BNC2: variants seen among roughly 807,000 people sequenced by gnomAD.
The protein encoded by BNC2 is basonuclin zinc finger protein 2, also known as zinc finger protein basonuclin-2.
Under a neutral mutation model 76.3 loss-of-function variants are expected in BNC2, and 20 were observed. The observed-to-expected ratio is 0.26, with a 90% CI of 0.18 to 0.38. The LOEUF (loss-of-function observed/expected upper bound fraction) is 0.38, where lower values mean the gene tolerates loss of function less well. BNC2 is among the 10% of genes least tolerant of loss of function. The pLI is 1.00. For synonymous variants in BNC2, 582 were observed against 514.8 expected, an observed-to-expected ratio of 1.13 and a Z score of -1.77; for missense variants, 1,382 against 1,399.8, an observed-to-expected ratio of 0.99 and a Z score of 0.20.
At chr9:16,619,011 C>A (rs1890074) in intron 3 of BNC2, among the ~76,000 whole-genome samples, 1 of 152,002 alleles carries the variant, frequency 6.6e-6, no homozygotes, top group Non-Finnish European at 1.5e-5. Context: ...CAATTCAAAG[C>A]ATTCTTTATT....
At chr9:16,509,591 TA>T (rs1319913240) in intron 5 of BNC2, among the ~76,000 whole-genome samples, 1 of 152,192 alleles carries the variant, frequency 6.6e-6, no homozygotes, top group Admixed American at 6.6e-5. Context: ...AGGAACAGTT[TA>T]AACTGAGAGT....
At chr9:16,528,864 G>A (rs1171255327) in intron 5 of BNC2, among the ~76,000 whole-genome samples, 1 of 152,144 alleles carries the variant, frequency 6.6e-6, no homozygotes, top group Non-Finnish European at 1.5e-5. Context: ...TAGTTTCCTA[G>A]GGCTGCCACA....
At chr9:16,497,591 A>T (rs574737633) in intron 5 of BNC2, among the ~76,000 whole-genome samples, 1 of 152,306 alleles carries the variant, frequency 6.6e-6, no homozygotes, top group African/African-American at 2.4e-5. Flanking sequence ...GGAGATGGGT[A>T]TAAATAAACA....
chr9:16,541,496 T>C (rs373770487), intron 5 of BNC2, among the ~76,000 whole-genome samples: 2 of 152,212 alleles, frequency 1.3e-5, no homozygotes, highest in African/African-American at 4.8e-5. Flanking sequence ...GGTGATGGAA[T>C]GATGGCTGAC....
intron 3 of BNC2, among the ~76,000 whole-genome samples, chr9:16,702,639 C>T (rs1385832977): frequency 3.1e-5 from 1 of 31,916 alleles, no homozygotes; most frequent in African/African-American, 4.9e-5. Flanking sequence ...ATTCCCCTAC[C>T]ATCCTACACT....
At chr9:16,488,799 G>A (rs557320275) in intron 5 of BNC2, among the ~76,000 whole-genome samples, 38 of 152,154 alleles carry the variant, frequency 2.5e-4, no homozygotes, top group African/African-American at 8.9e-4. Context: ...GTCTTAAAAG[G>A]TGATGGCCTG....
At chr9:16,753,408 T>C (rs2135302422) in intron 1 of BNC2, among the ~76,000 whole-genome samples, 2 of 152,328 alleles carry the variant, frequency 1.3e-5, no homozygotes, top group South Asian at 4.1e-4. Flanking sequence ...AGTCAACATT[T>C]GGTTCAAGAA....
At chr9:16,582,422 T>A (rs1181526317) in intron 4 of BNC2, among the ~76,000 whole-genome samples, 1 of 152,026 alleles carries the variant, frequency 6.6e-6, no homozygotes, top group Non-Finnish European at 1.5e-5. Flanking sequence ...TCTACCTACG[T>A]CGACCACCTC....
At chr9:16,468,447 G>T (rs1184812081) in intron 5 of BNC2, among the ~76,000 whole-genome samples, 4 of 151,864 alleles carry the variant, frequency 2.6e-5, no homozygotes, top group African/African-American at 9.7e-5. Context: ...CCAGGCTGGA[G>T]TACAGAGGCA....
At chr9:16,586,457 G>C (rs1426366414) in intron 3 of BNC2, among the ~76,000 whole-genome samples, 1 of 152,164 alleles carries the variant, frequency 6.6e-6, no homozygotes, top group East Asian at 1.9e-4. Flanking sequence ...GTCTCTCTGA[G>C]AGGCAATGTT....
intron 4 of BNC2, among the ~76,000 whole-genome samples, chr9:16,565,977 T>TC (rs1285162300): frequency 6.6e-6 from 1 of 152,152 alleles, no homozygotes; most frequent in African/African-American, 2.4e-5. Flanking sequence ...GCCAGAGAGA[T>TC]AAGCGAGGTT....
At chr9:16,732,361 A>G (rs1053038086) in intron 2 of BNC2, among the ~76,000 whole-genome samples, 3 of 152,158 alleles carry the variant, frequency 2.0e-5, no homozygotes, top group Non-Finnish European at 4.4e-5. Flanking sequence ...CTTTCATAAA[A>G]TAAGTTATGT....
intron 1 of BNC2, among the ~76,000 whole-genome samples, chr9:16,837,258 C>G (rs928294402): frequency 6.6e-6 from 1 of 152,226 alleles, no homozygotes; most frequent in African/African-American, 2.4e-5. Flanking sequence ...GTAATCCCAG[C>G]ACTTTGGGAG....
intron 4 of BNC2, among the ~76,000 whole-genome samples, chr9:16,568,648 A>T (rs1422947749): frequency 6.6e-6 from 1 of 152,148 alleles, no homozygotes; most frequent in East Asian, 1.9e-4. Flanking sequence ...AGGCAAAAGC[A>T]TCAGGGCTCA....
chr9:16,761,000 T>C (rs1409869800), intron 1 of BNC2, among the ~76,000 whole-genome samples: 1 of 151,852 alleles, frequency 6.6e-6, no homozygotes, highest in Non-Finnish European at 1.5e-5. Flanking sequence ...CCCAGCTCTT[T>C]GGGAGGCTAA....
chr9:16,440,560 T>C (rs539708145), intron 5 of BNC2, among the ~76,000 whole-genome samples: 13 of 151,816 alleles, frequency 8.6e-5, no homozygotes, highest in Non-Finnish European at 1.5e-4. Context: ...GTGATATACT[T>C]ATACAACTGG....
intron 5 of BNC2, among the ~76,000 whole-genome samples, chr9:16,499,611 CT>C (rs1417977751): frequency 6.9e-6 from 1 of 145,580 alleles, no homozygotes; most frequent in Non-Finnish European, 1.5e-5. Context: ...CTCACTGTAA[CT>C]TCTGCCTCCT....
rs534313640 is a variant in BNC2, at chr9:16,503,625, A to G, written c.669+48905T>C. 5.3e-5 allele frequency among the ~76,000 whole-genome samples: 8 copies of G among 152,312 alleles called. No individual in the cohort carries two copies. The South Asian group carries it at 1.2e-3, about 24-fold the overall frequency. ...GAAAATGGGGTCAAGCAGTCTCTCA[A>G]AAAAATCTGATTAATGATAATCTGG... On this transcript the variant is annotated intron_variant, in intron 5 of 6. Transcript: ENST00000380672.
intron 3 of BNC2, among the ~76,000 whole-genome samples, chr9:16,712,109 T>C (rs1823868733): frequency 6.6e-6 from 1 of 152,168 alleles, no homozygotes; most frequent in Non-Finnish European, 1.5e-5. Flanking sequence ...TACAAAAAAT[T>C]ATATCAAGAC....
Sources: gnomAD v4.1 joint callset for allele counts (sites outside exome capture counted in the v4.1 genomes callset) on GRCh38, gnomAD v4.1.1 for gene constraint, MANE v1.5 for transcripts, NCBI Gene and HGNC (gene_info 2026-07-23, HGNC 2026-07-21) for gene names.